The following MGAT5 variants were observed in gnomAD, a reference collection of about 807,000 sequenced individuals.
MGAT5 encodes alpha-1,6-mannosylglycoprotein 6-beta-N-acetylglucosaminyltransferase.
In MGAT5, 30 loss-of-function variants were observed where a neutral mutation model predicts 94.3. That is an observed-to-expected ratio of 0.32 (90% CI 0.24 to 0.43). MGAT5 has a LOEUF of 0.43. Among genes scored for constraint, MGAT5 ranks in the 20% least tolerant of loss-of-function variants. MGAT5 has a pLI of 1.00. For synonymous variants in MGAT5, 310 were observed against 322.9 expected (o/e 0.96, Z 0.43); for missense variants, 691 against 905.5 (o/e 0.76, Z 3.04).
upstream of MGAT5, among the ~76,000 whole-genome samples, chr2:134,253,534 G>A (rs189566572): frequency 2.4e-3 from 362 of 152,296 alleles, 3 homozygotes; most frequent in African/African-American, 8.5e-3. Context: ...GTGAAAGTGA[G>A]AACCACAGAA....
intron 1 of MGAT5, among the ~76,000 whole-genome samples, chr2:134,214,715 T>C (rs757025860): frequency 6.6e-6 from 1 of 152,084 alleles, no homozygotes; most frequent in Non-Finnish European, 1.5e-5. Context: ...GAATATAGGG[T>C]GGGGTGGGGA....
chr2:134,311,416 T>A (rs965036366), intron 2 of MGAT5, among the ~76,000 whole-genome samples: 8 of 152,196 alleles, frequency 5.3e-5, no homozygotes, highest in African/African-American at 1.9e-4. Context: ...CTGTCATCTT[T>A]GCTATATAGA....
At chr2:134,227,000 T>C (rs1436884267) in intron 1 of MGAT5, among the ~76,000 whole-genome samples, 2 of 149,674 alleles carry the variant, frequency 1.3e-5, no homozygotes, top group Non-Finnish European at 3.0e-5. Context: ...GGCCAGAAAC[T>C]CAGATTTTTA....
Position 134,349,956 on chromosome 2 carries a change from A to G in MGAT5, c.1246+18A>G. Reference sequence around the variant, plus strand: ...CATGTTCCGTGAGTATTCCTGTTTCATGTATGCTTTCCAGAATGCCACCAA... The same window carrying G: ...CATGTTCCGTGAGTATTCCTGTTTCGTGTATGCTTTCCAGAATGCCACCAA... On this transcript the variant is annotated intron_variant, in intron 9 of 15. Transcript: ENST00000281923. 6.2e-7 allele frequency: 1 copy of G among 1,612,426 alleles called. No individual in the cohort carries two copies. The highest frequency in any genetic ancestry group is 8.5e-7 in the Non-Finnish European group (1 of 1,178,948).
intron 2 of MGAT5, among the ~76,000 whole-genome samples, chr2:134,276,480 A>T (rs941777297): frequency 2.0e-5 from 3 of 152,224 alleles, no homozygotes; most frequent in Non-Finnish European, 4.4e-5. Flanking sequence ...AATTATCAAG[A>T]TATGAGAGAG....
intron 1 of MGAT5, among the ~76,000 whole-genome samples, chr2:134,266,741 A>G (rs1008013021): frequency 1.3e-5 from 2 of 152,196 alleles, no homozygotes; most frequent in Non-Finnish European, 2.9e-5. Flanking sequence ...GCTTGGCGTC[A>G]TCTCTGTCAT....
chr2:134,172,786 C>A (rs1272820433), intron 1 of MGAT5, among the ~76,000 whole-genome samples: 1 of 152,190 alleles, frequency 6.6e-6, no homozygotes, highest in Non-Finnish European at 1.5e-5. Flanking sequence ...AGATGTTCAC[C>A]TTGGAGCAGA....
At chr2:134,281,318 C>A (rs572048915) in intron 2 of MGAT5, among the ~76,000 whole-genome samples, 1 of 152,306 alleles carries the variant, frequency 6.6e-6, no homozygotes, top group South Asian at 2.1e-4. Flanking sequence ...TTTTATCCAA[C>A]CTATGCGGAC....
At chr2:134,440,581 C>T (rs534514823) in intron 14 of MGAT5, among the ~76,000 whole-genome samples, 23 of 152,318 alleles carry the variant, frequency 1.5e-4, no homozygotes, top group Middle Eastern at 3.4e-3. Flanking sequence ...AGGCTCCAGC[C>T]GCCCTCAACA....
Position 134,144,879 on chromosome 2 carries a change from C to T in MGAT5, c.-143+24588C>T, listed in dbSNP as rs542501691. ...AAACGGGCCTTATGGCTTGTGGAAA[C>T]AGATGCCCTGTGTTCTGACCAAACA... On this transcript the variant is annotated intron_variant, in intron 1 of 16. Coordinates refer to the MGAT5 transcript ENST00000409645. Among the ~76,000 whole-genome samples, 7 of 152,236 alleles carry T rather than the reference C, an allele frequency of 4.6e-5. No homozygotes were observed. In the South Asian group the frequency reaches 1.5e-3, roughly 32 times the overall value.
intron 10 of MGAT5, among the ~76,000 whole-genome samples, chr2:134,388,286 C>CA (rs1455278727): frequency 2.0e-5 from 3 of 152,150 alleles, no homozygotes; most frequent in Admixed American, 1.3e-4. Context: ...ACCTCTCACC[C>CA]AGCTTCACCA....
chr2:134,120,380 G>GGGGAACCA (rs1685508730), intron 1 of MGAT5: 2 of 368,884 alleles, frequency 5.4e-6, no homozygotes, highest in African/African-American at 4.2e-5. Flanking sequence ...CGGGGGGCAC[G>GGGGAACCA]GGGAACCAGG....
chr2:134,170,166 T>C (rs1688138398), intron 1 of MGAT5, among the ~76,000 whole-genome samples: 2 of 152,236 alleles, frequency 1.3e-5, no homozygotes, highest in South Asian at 4.1e-4. Context: ...CCACTACTCA[T>C]GAATGAAGTG....
At chr2:134,189,588 T>C (rs1689215020) in intron 1 of MGAT5, among the ~76,000 whole-genome samples, 2 of 133,622 alleles carry the variant, frequency 1.5e-5, no homozygotes, top group East Asian at 2.2e-4. Context: ...ACCTCATGGC[T>C]CTAGTTTTTT....
intron 10 of MGAT5, among the ~76,000 whole-genome samples, chr2:134,378,682 C>T (rs1189365471): frequency 6.8e-6 from 1 of 146,046 alleles, no homozygotes; most frequent in African/African-American, 2.5e-5. Flanking sequence ...GTGGCATGAT[C>T]TCGGCTCACT....
At chr2:134,300,742 T>G (rs1486411297) in intron 2 of MGAT5, among the ~76,000 whole-genome samples, 1 of 152,172 alleles carries the variant, frequency 6.6e-6, no homozygotes, top group Non-Finnish European at 1.5e-5. Context: ...TGCTTTAGGT[T>G]GCATGTGAGC....
Position 134,207,892 on chromosome 2 carries a change from T to G in MGAT5, c.-142-46370T>G, listed in dbSNP as rs190012236. 3.6e-4 allele frequency among the ~76,000 whole-genome samples: 55 copies of G among 152,358 alleles called. No individual in the cohort carries two copies. In the East Asian group the frequency reaches 6.7e-3, roughly 19 times the overall value. Reference sequence around the variant, plus strand: ...GGAGAGGGATTAGCATTGACTCTGATACCTTGTTGGTTTGTGTGTCATAAC... The same window carrying G: ...GGAGAGGGATTAGCATTGACTCTGAGACCTTGTTGGTTTGTGTGTCATAAC... On this transcript the variant is annotated intron_variant, in intron 1 of 16. Transcript: ENST00000409645.
At chr2:134,440,739 A>T (rs541248044) in intron 14 of MGAT5, among the ~76,000 whole-genome samples, 1 of 152,054 alleles carries the variant, frequency 6.6e-6, no homozygotes, top group African/African-American at 2.4e-5. Flanking sequence ...TTGCGGTGCC[A>T]TGTTAGTGAT....
chr2:134,405,294 G>T (rs1245974789), intron 11 of MGAT5, among the ~76,000 whole-genome samples: 1 of 152,194 alleles, frequency 6.6e-6, no homozygotes, highest in African/African-American at 2.4e-5. Flanking sequence ...TTGAAAAACT[G>T]GGACCCGTGT....
Sources: allele counts gnomAD v4.1 joint callset (sites outside exome capture counted in the v4.1 genomes callset), GRCh38; gene constraint gnomAD v4.1.1; transcripts MANE v1.5; gene names NCBI Gene and HGNC (gene_info 2026-07-23, HGNC 2026-07-21).